The following ZNF429 variants were observed in gnomAD, a reference collection of about 807,000 sequenced individuals.
ZNF429 encodes zinc finger protein 429.
In ZNF429, 53 loss-of-function variants were observed where a neutral mutation model predicts 56.8. The ratio of observed to expected loss-of-function variants is 0.93; its 90% CI spans 0.75 to 1.17. ZNF429 has a LOEUF of 1.17. Among genes scored for constraint, ZNF429 ranks in the 50% most tolerant of loss-of-function variants. The pLI, the probability that ZNF429 is intolerant of heterozygous loss-of-function variation, is 0.00. For missense variants in ZNF429, 849 were observed against 788.4 expected (o/e 1.08, Z -0.92); for synonymous variants, 278 against 264.7 (o/e 1.05, Z -0.49).
intron 3 of ZNF429, 140 bp downstream of exon 3, chr19:21,530,824 A>G: frequency 1.5e-6 from 1 of 670,592 alleles, no homozygotes; most frequent in East Asian, 2.9e-5. Flanking sequence ...AAAAACTTTC[A>G]GCCTGGCACA....
At chr19:21,513,560 C>G (rs866729365) in intron 1 of ZNF429, among the ~76,000 whole-genome samples, 25 of 152,138 alleles carry the variant, frequency 1.6e-4, no homozygotes, top group African/African-American at 6.0e-4. Context: ...TGGGTGGTGT[C>G]CAAATTCAAA....
intron 3 of ZNF429, among the ~76,000 whole-genome samples, chr19:21,533,740 GT>G: frequency 1.4e-5 from 2 of 147,572 alleles, no homozygotes; most frequent in Non-Finnish European, 3.0e-5. Context: ...ACTGCAACCT[GT>G]TTCCCGGGTT....
chr19:21,515,639 T>C lies in ZNF429; in HGVS notation c.3+9865T>C, dbSNP rs138426186. ...AGGTTGCATTCATCAAATTTTGCTTTTGTTGCAATTGCTTTTGGTATCTTC... is the reference window on the plus strand; with the variant it reads ...AGGTTGCATTCATCAAATTTTGCTTCTGTTGCAATTGCTTTTGGTATCTTC... On this transcript the variant is annotated intron_variant, in intron 1 of 3. Coordinates refer to ENST00000358491, the MANE Select transcript of ZNF429 (RefSeq NM_001001415.4). Among the ~76,000 whole-genome samples, 10 of 152,274 alleles carry C rather than the reference T, an allele frequency of 6.6e-5. No homozygotes were observed. The East Asian group carries it at 1.7e-3, about 26-fold the overall frequency.
At chr19:21,522,243 C>T (rs11085455) in intron 1 of ZNF429, among the ~76,000 whole-genome samples, 24,754 of 152,192 alleles carry the variant, frequency 0.16, 2,100 homozygotes, top group Middle Eastern at 0.2. Context: ...TTGTCATTGA[C>T]TATAACCCAC....
rs1227280964 is a variant in ZNF429, at chr19:21,537,374, A to G, written c.1321A>G (p.Thr441Ala). 6.2e-7 allele frequency: 1 copy of G among 1,613,862 alleles called. No individual in the cohort carries two copies. The highest frequency in any genetic ancestry group is 8.5e-7 in the Non-Finnish European group (1 of 1,179,848). The part of the protein sequence containing the change: ...GKVFTYSSTL[T>A]RHKRIHTEEK... ...AGTTTTTACCTATTCCTCTACACTT[A>G]CTAGACATAAGAGAATTCATACTGA... Residue 441 changes from threonine to alanine, a missense_variant, in exon 4 of 4, where the codon ACT becomes GCT. Thr to Ala is a moderately conservative substitution (Grantham distance 58). Coordinates refer to ENST00000358491, the MANE Select transcript of ZNF429 (RefSeq NM_001001415.4).
rs373052305 is a variant in ZNF429 at position 21,506,441 on chromosome 19, AAC to A, written c.3+669_3+670del. Among the ~76,000 whole-genome samples the A allele has an allele frequency of 7.7e-3, 940 of 121,826 alleles. 9 individuals are homozygous for A. The highest frequency in any genetic ancestry group is 0.013 in the South Asian group (48 of 3,776). 79.9% of individuals were successfully genotyped at this position (121,826 alleles called of 152,430 possible). Reference sequence around the variant, plus strand: ...TGGTTGACACAATGAGACTATCTCAAACAAAAAAAAAAAAAAAAAAGGGGAGT... The same window carrying A: ...TGGTTGACACAATGAGACTATCTCAAAAAAAAAAAAAAAAAAAAGGGGAGT... On this transcript the variant is annotated intron_variant, in intron 1 of 3. Transcript: ENST00000358491.
Position 21,535,489 on chromosome 19 carries a change from TTTC to T in ZNF429, c.227-788_227-786del. 1.3e-4 allele frequency among the ~76,000 whole-genome samples: 17 copies of T among 128,494 alleles called. 2 individuals are homozygous for T. The highest frequency in any genetic ancestry group is 5.1e-4 in the Admixed American group (6 of 11,816). 84.3% of individuals were successfully genotyped at this position (128,494 alleles called of 152,430 possible). On this transcript the variant is annotated intron_variant, in intron 3 of 3. Transcript: ENST00000358491. ...CTTTCTTTCTTTCTTTCTTTCTTTC[TTTC>T]TTTCTTCTTTCTTTCTTTCTTTCCT...
chr19:21,506,557 G>T (rs187627421), intron 1 of ZNF429, among the ~76,000 whole-genome samples: 1 of 152,036 alleles, frequency 6.6e-6, no homozygotes, highest in Non-Finnish European at 1.5e-5. Flanking sequence ...GTCCTTTGGA[G>T]GAGCTTGAAG....
At chr19:21,531,010 G>A in intron 3 of ZNF429, among the ~76,000 whole-genome samples, 2 of 150,830 alleles carry the variant, frequency 1.3e-5, no homozygotes, top group Non-Finnish European at 2.9e-5. Context: ...GGAGGCTGAG[G>A]CAGGAGAATC....
At chr19:21,520,401 C>CT (rs1382732645) in intron 1 of ZNF429, among the ~76,000 whole-genome samples, 1 of 151,894 alleles carries the variant, frequency 6.6e-6, no homozygotes, top group African/African-American at 2.4e-5. Context: ...ATATTTTGTT[C>CT]TTTTTTCTTA....
intron 3 of ZNF429, among the ~76,000 whole-genome samples, chr19:21,535,053 T>C: frequency 1.3e-5 from 2 of 149,764 alleles, no homozygotes; most frequent in African/African-American, 2.5e-5. Flanking sequence ...GGTCTCGATC[T>C]CCTGACCTTG....
chr19:21,506,017 AGCTCTGCAC>A (rs1408191567), intron 1 of ZNF429: 1 of 372,448 alleles, frequency 2.7e-6, no homozygotes, highest in African/African-American at 2.1e-5. Context: ...CTGTCTGGGG[AGCTCTGCAC>A]GCGCAATTCC....
At chr19:21,530,948 G>A in intron 3 of ZNF429, among the ~76,000 whole-genome samples, 2 of 151,388 alleles carry the variant, frequency 1.3e-5, no homozygotes, top group African/African-American at 4.9e-5. Flanking sequence ...TCTACTAACA[G>A]TACAAAAGTT....
intron 1 of ZNF429, among the ~76,000 whole-genome samples, chr19:21,520,266 A>G (rs1462677920): frequency 6.6e-6 from 1 of 152,198 alleles, no homozygotes; most frequent in East Asian, 1.9e-4. Flanking sequence ...AGATACCTGA[A>G]TCCAGTGTCT....
intron 1 of ZNF429, among the ~76,000 whole-genome samples, chr19:21,527,240 T>G (rs1291713190): frequency 6.6e-6 from 1 of 152,112 alleles, no homozygotes; most frequent in African/African-American, 2.4e-5. Context: ...AGAATCACAT[T>G]ATGTAGAATG....
Position 21,535,431 on chromosome 19 carries a change from T to C in ZNF429, c.227-849T>C. On this transcript the variant is annotated intron_variant, in intron 3 of 3. Transcript: ENST00000358491. ...TTTTTCTTTTCTTTCTTTCTTTCTTTCTTTCTTTCTTTCTTTCTTTCTTTC... is the reference window on the plus strand; with the variant it reads ...TTTTTCTTTTCTTTCTTTCTTTCTTCCTTTCTTTCTTTCTTTCTTTCTTTC... Among the ~76,000 whole-genome samples, 5 of 22,588 alleles carry C rather than the reference T, an allele frequency of 2.2e-4. 2 individuals carry two copies. In the East Asian group the frequency reaches 2.5e-3, roughly 11 times the overall value. The allele number at this position is 22,588 out of a possible 152,430, so 14.8% of individuals were successfully genotyped here.
chr19:21,506,461 A>AGG (rs112803668), intron 1 of ZNF429, among the ~76,000 whole-genome samples: 1 of 147,228 alleles, frequency 6.8e-6, no homozygotes, highest in Non-Finnish European at 1.5e-5. Flanking sequence ...AAAAAAAAAA[A>AGG]GGGGAGTCAC....
intron 3 of ZNF429, among the ~76,000 whole-genome samples, chr19:21,533,194 A>G: frequency 6.6e-6 from 1 of 151,808 alleles, no homozygotes; most frequent in African/African-American, 2.4e-5. Context: ...TTTCATGCAT[A>G]TCTCTACAAA....
chr19:21,533,180 T>G, intron 3 of ZNF429, among the ~76,000 whole-genome samples: 1 of 152,196 alleles, frequency 6.6e-6, no homozygotes, highest in African/African-American at 2.4e-5. Flanking sequence ...GTTTTCATTG[T>G]TATTTTCATG....
Sources: allele counts gnomAD v4.1 joint callset (sites outside exome capture counted in the v4.1 genomes callset), GRCh38; gene constraint gnomAD v4.1.1; transcripts MANE v1.5; gene names NCBI Gene and HGNC (gene_info 2026-07-23, HGNC 2026-07-21).